FANCA: variants seen among roughly 807,000 people sequenced by gnomAD.
FANCA encodes Fanconi anemia group A protein.
A neutral mutation model predicts 194.3 loss-of-function variants in FANCA; 236 were observed. That is an observed-to-expected ratio of 1.21 (90% CI 1.09 to 1.35). The LOEUF is 1.35. Among genes scored for constraint, FANCA ranks in the 40% most tolerant of loss-of-function variants. FANCA has a pLI of 0.00. For missense variants in FANCA, 2,628 were observed against 1,813.9 expected (o/e 1.45, Z -8.15); for synonymous variants, 1,014 against 715.8 (o/e 1.42, Z -6.65).
At chr16:89,750,017 G>A in intron 31 of FANCA, 115 bp from the exon 32 acceptor site, 1 of 1,017,196 alleles carries the variant, frequency 9.8e-7, no homozygotes, top group Non-Finnish European at 1.5e-6. Flanking sequence ...GGGCAAGAAG[G>A]AACAAGTGGG....
Position 89,779,952 on chromosome 16 carries a change from G to T in FANCA, c.1632C>A (p.His544Gln), listed in dbSNP as rs553129361. The T allele has an allele frequency of 5.8e-5, 94 of 1,614,176 alleles. 2 individuals carry two copies. The South Asian group carries it at 8.3e-4, about 14-fold the overall frequency. Residue 544 changes from histidine (H) to glutamine (Q), a missense_variant, in exon 18 of 43, where the codon CAC becomes CAA. His to Gln is a conservative substitution (Grantham distance 24, BLOSUM62 0). Transcript: ENST00000389301. ...LSSAGDITEP[H>Q]SQALQDVEKA... ...TTTCAACATCCTGAAGAGCTTGGCT[G>T]TGGGGCTGGTTCCCATACAGGGAGG...
chr16:89,804,802 G>T lies in FANCA; in HGVS notation c.709+478C>A, dbSNP rs546779666. ...TAATCCCAGCACTTTGGGAGGCCGA[G>T]GGGGGTGCATCACGAGGTCAGGAGT... is the stretch of plus-strand genomic sequence containing the variant. On this transcript the variant is annotated intron_variant, in intron 7 of 42. Transcript: ENST00000389301. Among the ~76,000 whole-genome samples, 5 of 152,234 alleles carry T rather than the reference G, an allele frequency of 3.3e-5. No individual in the cohort carries two copies. The South Asian group carries it at 1.0e-3, about 32-fold the overall frequency.
At position 89,742,895 on chromosome 16, in the gene FANCA, A is replaced by C; in HGVS notation, c.3670T>G (p.Trp1224Gly). The stretch of plus-strand genomic sequence containing the variant: ...AAGTGCAGTGCAGCAGCTGAGAGCC[A>C]GTCCGGGTTGGGTGCTGGGGAGGCA... ...EAASPAPNPDWLSAAALHFAI... is the reference protein window; with the variant it reads ...EAASPAPNPDGLSAAALHFAI... The change falls in exon 37 of 43, where the codon TGG becomes GGG. Residue 1224 changes from tryptophan (W) to glycine (G), a missense_variant. Physicochemically the swap from Trp to Gly is radical, Grantham distance 184 (BLOSUM62 -2). Transcript: ENST00000389301. 1 of 1,614,186 alleles carries C rather than the reference A, an allele frequency of 6.2e-7. No homozygotes were observed. Among genetic ancestry groups the C allele is most frequent in the Non-Finnish European group, 8.5e-7 (1 of 1,180,026 alleles).
intron 8 of FANCA, among the ~76,000 whole-genome samples, chr16:89,802,164 C>T (rs1040055323): frequency 1.3e-4 from 20 of 152,118 alleles, no homozygotes; most frequent in African/African-American, 4.3e-4. Flanking sequence ...GAGTGCAAGG[C>T]GCAATCTTGG....
At chr16:89,761,699 G>A (rs908370852) in intron 29 of FANCA, among the ~76,000 whole-genome samples, 2 of 152,204 alleles carry the variant, frequency 1.3e-5, no homozygotes, top group East Asian at 1.9e-4. Context: ...ATCTCAGCTC[G>A]CTGCAGCCTC....
intron 1 of FANCA, 179 bp downstream of exon 1, chr16:89,816,358 G>A (rs2041124922): frequency 2.9e-6 from 1 of 349,840 alleles, no homozygotes; most frequent in Non-Finnish European, 4.8e-6. Flanking sequence ...CCAGGCGCAG[G>A]AGGGGCCGGG....
chr16:89,738,018 C>T lies in FANCA; in HGVS notation c.*583G>A. The T allele has an allele frequency of 1.9e-6, 3 of 1,614,164 alleles. No homozygotes were observed. Among genetic ancestry groups the T allele is most frequent in the Non-Finnish European group, 1.7e-6 (2 of 1,180,044 alleles). On this transcript the variant is annotated 3_prime_UTR_variant, in exon 43 of 43. Coordinates refer to ENST00000389301, the MANE Select transcript of FANCA (RefSeq NM_000135.4). ...TCCAGTGCAGGCAGCGGGCATCCCT[C>T]AAGTACCACATGACCAAACACAAGG...
At chr16:89,808,444 T>TGTAGGAAAATG in intron 5 of FANCA, 77 bp from the exon 6 acceptor site, 1 of 1,439,132 alleles carries the variant, frequency 6.9e-7, no homozygotes, top group Non-Finnish European at 9.8e-7. Context: ...GAATGCATTT[T>TGTAGGAAAATG]CCTACAAAAT....
intron 24 of FANCA, 122 bp from the exon 25 acceptor site, chr16:89,770,381 T>C (rs2039282862): frequency 1.9e-6 from 2 of 1,070,044 alleles, no homozygotes; most frequent in South Asian, 2.7e-5. Context: ...CAGTGGTCTT[T>C]CTGGAAGACA....
intron 8 of FANCA, among the ~76,000 whole-genome samples, chr16:89,800,073 G>T (rs745420754): frequency 6.6e-6 from 1 of 152,230 alleles, no homozygotes; most frequent in African/African-American, 2.4e-5. Context: ...CTCCAGTACC[G>T]AAGGGACCTA....
At chr16:89,774,581 T>A (rs2039431170) in intron 21 of FANCA, among the ~76,000 whole-genome samples, 1 of 150,938 alleles carries the variant, frequency 6.6e-6, no homozygotes, top group Admixed American at 6.6e-5. Context: ...ACACAAAAAA[T>A]TAGCCGGGTG....
In FANCA at chr16:89,808,354, A is replaced by G. The variant is rs771440015; in HGVS notation, c.536T>C (p.Leu179Pro). 6.2e-7 allele frequency: 1 copy of G among 1,614,200 alleles called. No individual in the cohort carries two copies. The highest frequency in any genetic ancestry group is 1.1e-5 in the South Asian group (1 of 91,086). Reference protein sequence around the residue: ...ELWKIQSSLLLEAVWHLHVQG... With the variant: ...ELWKIQSSLLPEAVWHLHVQG... ...TACGTGAAGATGCCACACCGCTTCAAGCAACAAAGAACTCTGAAAAACAAA... is the reference window on the plus strand; with the variant it reads ...TACGTGAAGATGCCACACCGCTTCAGGCAACAAAGAACTCTGAAAAACAAA... Residue 179 changes from leucine to proline, a missense_variant, in exon 6 of 43, where the codon CTT (leucine) becomes CCT (proline). Transcript: ENST00000389301.
At chr16:89,786,806 A>T (rs1468216374) in intron 14 of FANCA, among the ~76,000 whole-genome samples, 1 of 152,204 alleles carries the variant, frequency 6.6e-6, no homozygotes, top group East Asian at 1.9e-4. Context: ...GTCAGTTAAA[A>T]ATTTAAATAA....
At chr16:89,802,916 G>C (rs1443696127) in intron 8 of FANCA, among the ~76,000 whole-genome samples, 1 of 152,206 alleles carries the variant, frequency 6.6e-6, no homozygotes, top group Non-Finnish European at 1.5e-5. Flanking sequence ...GGGGAACGAA[G>C]AGAGTTGGTT....
At chr16:89,799,069 C>T in intron 10 of FANCA, 97 bp downstream of exon 10, 7 of 1,614,244 alleles carry the variant, frequency 4.3e-6, no homozygotes, top group Non-Finnish European at 4.2e-6. Context: ...CAGGAGCGGG[C>T]TGCTGAAGCT....
intron 33 of FANCA, 78 bp downstream of exon 33, chr16:89,748,581 G>C: frequency 9.3e-7 from 1 of 1,076,244 alleles, no homozygotes. Flanking sequence ...GTCAGTACAC[G>C]CATGGAGGCT....
At chr16:89,741,639 G>C (rs1468140847) in intron 37 of FANCA, among the ~76,000 whole-genome samples, 1 of 152,194 alleles carries the variant, frequency 6.6e-6, no homozygotes, top group East Asian at 1.9e-4. Flanking sequence ...AACCAGGTGG[G>C]CAGTGGGTCT....
In FANCA at chr16:89,739,183, T is replaced by TA. The variant is rs1567592815; in HGVS notation, c.4116dup (p.Thr1373TyrfsTer52). 6.2e-7 allele frequency: 1 copy of TA among 1,614,146 alleles called. No homozygotes were observed. Among genetic ancestry groups the TA allele is most frequent in the East Asian group, 2.2e-5 (1 of 44,886 alleles). ...CCAGCTGGAGGTGAAACTGTGCTTG[T>TA]ATCCCCAGCCACGAAGAGCTGGACC... On this transcript the variant is annotated frameshift_variant, in exon 41 of 43. Coordinates refer to ENST00000389301, the MANE Select transcript of FANCA (RefSeq NM_000135.4). LOFTEE classifies it high-confidence loss of function.
chr16:89,798,223 G>A, intron 10 of FANCA: 1 of 461,638 alleles, frequency 2.2e-6, no homozygotes, highest in Non-Finnish European at 2.9e-6. Flanking sequence ...GTCCTCACCA[G>A]AACCCAACCC....
Sources: allele counts gnomAD v4.1 joint callset (sites outside exome capture counted in the v4.1 genomes callset), GRCh38; gene constraint gnomAD v4.1.1; transcripts MANE v1.5; gene names NCBI Gene and HGNC (gene_info 2026-07-23, HGNC 2026-07-21).